The following GYPB variants were observed in gnomAD, a reference collection of about 807,000 sequenced individuals.
GYPB encodes glycophorin-B.
GYPB carries 13 observed loss-of-function variants against 15.3 expected under a neutral mutation model. The ratio of observed to expected loss-of-function variants is 0.85; its 90% CI spans 0.55 to 1.35. The LOEUF (loss-of-function observed/expected upper bound fraction) is 1.35. Ranked by LOEUF, GYPB falls within the 40% of genes most tolerant of loss-of-function variation. GYPB has a pLI of 0.00. For missense variants in GYPB, 131 were observed against 108.3 expected (o/e 1.21, Z -0.93); for synonymous variants, 38 against 36.9 (o/e 1.03, Z -0.11).
chr4:144,015,667 T>C (rs1236541451), intron 1 of GYPB, among the ~76,000 whole-genome samples: 2 of 151,392 alleles, frequency 1.3e-5, no homozygotes, highest in Non-Finnish European at 2.9e-5. Context: ...CATCCCTACT[T>C]TCCCCTCTAT....
At chr4:144,004,780 T>C (rs1461491186) in intron 1 of GYPB, among the ~76,000 whole-genome samples, 3 of 151,888 alleles carry the variant, frequency 2.0e-5, no homozygotes, top group Admixed American at 2.0e-4. Flanking sequence ...TTGGCTCTCC[T>C]AGATTCCTAA....
intron 4 of GYPB, 75 bp downstream of exon 4, chr4:143,997,465 T>G (rs1727381214): frequency 4.9e-6 from 4 of 821,278 alleles, no homozygotes; most frequent in Non-Finnish European, 8.5e-6. Context: ...TGAGTTTAAC[T>G]GAACTCAGAG....
At chr4:144,001,415 A>T (rs1727621475) in intron 1 of GYPB, 132 bp from the exon 2 acceptor site, 2 of 1,498,704 alleles carry the variant, frequency 1.3e-6, no homozygotes, top group Admixed American at 3.8e-5. Context: ...TATATCTTAC[A>T]TAATCTTTAG....
intron 4 of GYPB, chr4:143,997,196 A>T (rs1360862410): frequency 5.9e-6 from 1 of 168,180 alleles, no homozygotes; most frequent in East Asian, 1.7e-4. Flanking sequence ...TAAATATATT[A>T]TTTTAAATAT....
At chr4:144,017,828 A>G (rs1464781633) in intron 1 of GYPB, among the ~76,000 whole-genome samples, 2 of 151,362 alleles carry the variant, frequency 1.3e-5, no homozygotes, top group Non-Finnish European at 2.9e-5. Flanking sequence ...ATGAATACAT[A>G]TACAAATATT....
chr4:144,016,058 G>A (rs910698645), intron 1 of GYPB, among the ~76,000 whole-genome samples: 2 of 135,206 alleles, frequency 1.5e-5, no homozygotes, highest in African/African-American at 5.7e-5. Flanking sequence ...TTATAGTCAT[G>A]TATTCCCTGG....
intron 1 of GYPB, among the ~76,000 whole-genome samples, chr4:144,005,493 C>A (rs1727866233): frequency 1.3e-5 from 2 of 151,880 alleles, no homozygotes; most frequent in South Asian, 4.1e-4. Context: ...TTTTTCCACA[C>A]TAATTTATTG....
At chr4:144,012,770 G>T (rs2149967864) in intron 1 of GYPB, 1 of 151,494 alleles carries the variant, frequency 6.6e-6, no homozygotes, top group African/African-American at 2.4e-5. Flanking sequence ...AATAATAAAG[G>T]TGGACTCTTG....
intron 1 of GYPB, among the ~76,000 whole-genome samples, chr4:144,003,483 G>A (rs1727729429): frequency 6.6e-6 from 1 of 151,312 alleles, no homozygotes; most frequent in African/African-American, 2.5e-5. Context: ...AATTACAGCA[G>A]GTTGTCAAAA....
intron 1 of GYPB, chr4:144,002,733 C>T: frequency 1.6e-6 from 2 of 1,275,778 alleles, no homozygotes; most frequent in Non-Finnish European, 2.0e-6. Flanking sequence ...TCTTCTCTGA[C>T]ACCTCTCATT....
At chr4:144,015,657 C>G (rs1232164604) in intron 1 of GYPB, among the ~76,000 whole-genome samples, 2 of 151,230 alleles carry the variant, frequency 1.3e-5, no homozygotes, top group Non-Finnish European at 2.9e-5. Flanking sequence ...TTTGAGATAC[C>G]ATCCCTACTT....
At position 143,997,654 on chromosome 4, in the gene GYPB, T is replaced by C. The variant is rs1727396464; in HGVS notation, c.176-20A>G. The C allele has an allele frequency of 1.6e-6, 2 of 1,245,150 alleles. No individual in the cohort carries two copies. The highest frequency in any genetic ancestry group is 2.4e-6 in the Non-Finnish European group (2 of 846,584). 77.1% of individuals were successfully genotyped at this position (1,245,150 alleles called of 1,614,324 possible). Reference sequence around the variant, plus strand: ...CAGGAGCTAAAGAGAGCAGCAAAATTATGAAAGTCTGAAATAAATGACCAC... The same window carrying C: ...CAGGAGCTAAAGAGAGCAGCAAAATCATGAAAGTCTGAAATAAATGACCAC... On this transcript the variant is annotated intron_variant, in intron 3 of 4. Transcript: ENST00000502664.
At chr4:144,002,608 T>A in intron 1 of GYPB, 3 of 1,287,212 alleles carry the variant, frequency 2.3e-6, no homozygotes, top group Non-Finnish European at 3.0e-6. Context: ...ATGAGGGGAA[T>A]GGCACCCAAG....
chr4:144,014,256 G>A (rs1340330223), intron 1 of GYPB, among the ~76,000 whole-genome samples: 1 of 151,758 alleles, frequency 6.6e-6, no homozygotes, highest in East Asian at 1.9e-4. Flanking sequence ...ACATCTTTGA[G>A]TATTAAAAGT....
intron 2 of GYPB, 31 bp downstream of exon 2, chr4:144,001,154 C>A: frequency 6.2e-7 from 1 of 1,612,402 alleles, no homozygotes; most frequent in South Asian, 1.1e-5. Context: ...CATTTCGGAG[C>A]CACAATTTAA....
chr4:143,995,495 C>A (rs1229145808), downstream of GYPB, among the ~76,000 whole-genome samples: 1 of 151,230 alleles, frequency 6.6e-6, no homozygotes, highest in Non-Finnish European at 1.5e-5. Flanking sequence ...CACATTGGGA[C>A]CCCAGGTCCT....
intron 1 of GYPB, among the ~76,000 whole-genome samples, chr4:144,006,589 C>T (rs2149962794): frequency 6.6e-6 from 1 of 152,122 alleles, no homozygotes; most frequent in East Asian, 1.9e-4. Context: ...GCCAAAACTT[C>T]CAGTGGCTGA....
chr4:144,012,666 A>G (rs1334705276), intron 1 of GYPB: 1 of 151,570 alleles, frequency 6.6e-6, no homozygotes, highest in Non-Finnish European at 1.5e-5. Context: ...ATAAACTCAT[A>G]TATCCATGGC....
intron 1 of GYPB, among the ~76,000 whole-genome samples, chr4:144,015,683 C>A (rs1037675387): frequency 6.6e-6 from 1 of 151,360 alleles, no homozygotes; most frequent in African/African-American, 2.5e-5. Flanking sequence ...TCTATTCAGA[C>A]CTTTTCTGCA....
Sources: allele counts gnomAD v4.1 joint callset (sites outside exome capture counted in the v4.1 genomes callset), GRCh38; gene constraint gnomAD v4.1.1; transcripts MANE v1.5; gene names NCBI Gene and HGNC (gene_info 2026-07-23, HGNC 2026-07-21).